GRM8: variants seen among roughly 807,000 people sequenced by gnomAD.
GRM8 encodes the protein glutamate metabotropic receptor 8, also known as metabotropic glutamate receptor 8.
GRM8 carries 47 observed loss-of-function variants against 87.2 expected under a neutral mutation model. The observed-to-expected ratio is 0.54, with a 90% CI of 0.43 to 0.69. The LOEUF is 0.69. GRM8 is among the 30% of genes least tolerant of loss of function. The pLI is 0.00. For synonymous variants in GRM8, 396 were observed against 404.5 expected (o/e 0.98, Z 0.25); for missense variants, 1,019 against 1,139.2 (o/e 0.89, Z 1.52).
intron 7 of GRM8, among the ~76,000 whole-genome samples, chr7:126,611,525 AACACG>A (rs1436743335): frequency 6.6e-6 from 1 of 152,220 alleles, no homozygotes; most frequent in Non-Finnish European, 1.5e-5. Flanking sequence ...TGGCTGGAAA[AACACG>A]TATGTTGAGA....
At chr7:127,015,078 G>GAAA (rs1563413759) in intron 3 of GRM8, among the ~76,000 whole-genome samples, 33 of 86,902 alleles carry the variant, frequency 3.8e-4, no homozygotes, top group Non-Finnish European at 6.6e-4. Flanking sequence ...AAAGAAAGAA[G>GAAA]GAGAAGAAGG....
chr7:126,460,693 C>T (rs540078121), intron 9 of GRM8, among the ~76,000 whole-genome samples: 87 of 151,652 alleles, frequency 5.7e-4, no homozygotes, highest in African/African-American at 2.0e-3. Flanking sequence ...AAGATTATTA[C>T]CGTGACCAGG....
intron 6 of GRM8, among the ~76,000 whole-genome samples, chr7:126,862,385 T>A (rs932431174): frequency 7.2e-5 from 11 of 152,052 alleles, no homozygotes; most frequent in Non-Finnish European, 1.5e-4. Context: ...GTAATATTTT[T>A]CTTTGCTTCT....
At chr7:126,552,891 T>C (rs1344096636) in intron 8 of GRM8, among the ~76,000 whole-genome samples, 1 of 152,108 alleles carries the variant, frequency 6.6e-6, no homozygotes, top group Non-Finnish European at 1.5e-5. Context: ...GATTTAAGTC[T>C]CTTATTTATA....
At chr7:126,747,923 CA>C (rs1563148272) in intron 7 of GRM8, among the ~76,000 whole-genome samples, 1 of 151,884 alleles carries the variant, frequency 6.6e-6, no homozygotes, top group Non-Finnish European at 1.5e-5. Context: ...TTTCTATCTA[CA>C]AAAACATATA....
chr7:126,808,041 C>T (rs571327510), intron 6 of GRM8, among the ~76,000 whole-genome samples: 54 of 152,206 alleles, frequency 3.5e-4, no homozygotes, highest in African/African-American at 1.3e-3. Context: ...GAAACAGCTA[C>T]AGTAAAAATA....
At chr7:126,542,305 T>G (rs573073624) in intron 8 of GRM8, among the ~76,000 whole-genome samples, 15 of 152,294 alleles carry the variant, frequency 9.8e-5, no homozygotes, top group Admixed American at 7.8e-4. Context: ...AAACGTGGAT[T>G]TTTACTAGGG....
intron 8 of GRM8, among the ~76,000 whole-genome samples, chr7:126,543,428 T>C (rs1816765682): frequency 6.6e-6 from 1 of 152,188 alleles, no homozygotes. Flanking sequence ...TAAAAGTTTA[T>C]TTTCCTAAGA....
At chr7:127,028,123 G>C (rs967030416) in intron 3 of GRM8, among the ~76,000 whole-genome samples, 1 of 152,208 alleles carries the variant, frequency 6.6e-6, no homozygotes, top group Non-Finnish European at 1.5e-5. Context: ...TTATGTGACA[G>C]ATTATGTTTA....
chr7:126,577,738 A>G (rs756276392), intron 8 of GRM8, among the ~76,000 whole-genome samples: 27 of 152,252 alleles, frequency 1.8e-4, no homozygotes, highest in South Asian at 4.1e-4. Context: ...ATGTAACCCA[A>G]TGCAATTTCT....
intron 9 of GRM8, among the ~76,000 whole-genome samples, chr7:126,513,993 G>C (rs1191058235): frequency 6.6e-6 from 1 of 152,074 alleles, no homozygotes; most frequent in Non-Finnish European, 1.5e-5. Context: ...ACAAAGTAGA[G>C]AGAACAGAGT....
intron 9 of GRM8, among the ~76,000 whole-genome samples, chr7:126,457,377 A>G (rs1471273885): frequency 6.6e-6 from 1 of 151,532 alleles, no homozygotes. Flanking sequence ...GAGACACTGG[A>G]CAATAATTTT....
chr7:126,779,573 G>GCTAC, intron 6 of GRM8, among the ~76,000 whole-genome samples: 1 of 152,128 alleles, frequency 6.6e-6, no homozygotes, highest in African/African-American at 2.4e-5. Context: ...ACATAACATA[G>GCTAC]CTACAATACT....
chr7:126,442,939 C>G (rs185283579), intron 10 of GRM8, among the ~76,000 whole-genome samples: 1 of 151,898 alleles, frequency 6.6e-6, no homozygotes, highest in African/African-American at 2.4e-5. Context: ...GCAGATACCT[C>G]GCAAGAATCT....
At chr7:127,147,281 A>G (rs1275424567) in intron 2 of GRM8, among the ~76,000 whole-genome samples, 1 of 152,038 alleles carries the variant, frequency 6.6e-6, no homozygotes, top group Non-Finnish European at 1.5e-5. Flanking sequence ...GAAAGTAAAC[A>G]TGTTCCGGCC....
chr7:127,073,402 T>C (rs1382092761), intron 3 of GRM8, among the ~76,000 whole-genome samples: 4 of 152,142 alleles, frequency 2.6e-5, no homozygotes, highest in African/African-American at 7.2e-5. Context: ...ATGCTTATAA[T>C]GGTTGCAGGT....
intron 3 of GRM8, among the ~76,000 whole-genome samples, chr7:127,014,791 C>T (rs911695808): frequency 6.6e-6 from 1 of 151,734 alleles, no homozygotes; most frequent in Non-Finnish European, 1.5e-5. Context: ...GGCTAGGATG[C>T]TTTCTTTCTG....
At chr7:127,051,835 G>A (rs537703993) in intron 3 of GRM8, among the ~76,000 whole-genome samples, 11 of 149,130 alleles carry the variant, frequency 7.4e-5, no homozygotes, top group Non-Finnish European at 1.5e-4. Flanking sequence ...GAACAATACT[G>A]AATATTGTTT....
At chr7:126,879,800 T>C (rs1209747839) in intron 6 of GRM8, among the ~76,000 whole-genome samples, 3 of 152,226 alleles carry the variant, frequency 2.0e-5, no homozygotes, top group Non-Finnish European at 2.9e-5. Context: ...GCGAGTATTA[T>C]ACTACCATTT....
Sources: gnomAD v4.1 joint callset for allele counts (sites outside exome capture counted in the v4.1 genomes callset) on GRCh38, gnomAD v4.1.1 for gene constraint, MANE v1.5 for transcripts, NCBI Gene and HGNC (gene_info 2026-07-23, HGNC 2026-07-21) for gene names.